DHRS12: variants seen among roughly 807,000 people sequenced by gnomAD.
The protein encoded by DHRS12 is dehydrogenase/reductase 12.
In DHRS12, 29 loss-of-function variants were observed where a neutral mutation model predicts 32.1. That is an observed-to-expected ratio of 0.90 (90% CI 0.67 to 1.23). The LOEUF is 1.23. Ranked by LOEUF, DHRS12 falls within the 50% of genes most tolerant of loss-of-function variation. The pLI, the probability that DHRS12 is intolerant of heterozygous loss-of-function variation, is 0.00. For synonymous variants in DHRS12, 150 were observed against 135.9 expected (o/e 1.10, Z -0.72); for missense variants, 330 against 337.2 (o/e 0.98, Z 0.17).
At chr13:51,789,936 A>T (rs1400036197) in intron 4 of DHRS12, 75 bp downstream of exon 4, 5 of 1,453,800 alleles carry the variant, frequency 3.4e-6, no homozygotes, top group Non-Finnish European at 4.5e-6. Context: ...AAGTTGGTCA[A>T]TTTTTTTTTA....
chr13:51,799,868 T>C (rs1035557636), intron 1 of DHRS12, among the ~76,000 whole-genome samples: 1 of 152,140 alleles, frequency 6.6e-6, no homozygotes, highest in Admixed American at 6.5e-5. Flanking sequence ...CCATGATCTT[T>C]CCAAACTTTT....
chr13:51,762,447 A>G, the DHRS12 span: 2 of 152,358 alleles, frequency 1.3e-5, no homozygotes, highest in Middle Eastern at 3.4e-3. Flanking sequence ...CAAGGTATCC[A>G]TTGCTCTTTC....
chr13:51,780,952 A>C (rs1954676327), intron 4 of DHRS12, among the ~76,000 whole-genome samples: 1 of 152,230 alleles, frequency 6.6e-6, no homozygotes, highest in South Asian at 2.1e-4. Flanking sequence ...CTTGAATTAA[A>C]GCTACTTTGG....
At chr13:51,757,936 CA>C in the DHRS12 span, among the ~76,000 whole-genome samples, 2 of 151,924 alleles carry the variant, frequency 1.3e-5, no homozygotes, top group Non-Finnish European at 2.9e-5. Context: ...TTATCACAGA[CA>C]CCATTGGAGC....
chr13:51,769,047 C>G, intron 8 of DHRS12, 109 bp downstream of exon 8: 2 of 1,505,556 alleles, frequency 1.3e-6, no homozygotes, highest in Non-Finnish European at 1.8e-6. Flanking sequence ...AGGCACCCCC[C>G]AGGGGACAGT....
intron 2 of DHRS12, chr13:51,797,881 T>C: frequency 6.5e-7 from 1 of 1,535,850 alleles, no homozygotes. Flanking sequence ...TGGGGCTTGA[T>C]CTCGACAAAC....
intron 2 of DHRS12, among the ~76,000 whole-genome samples, chr13:51,793,405 G>C (rs1249279823): frequency 6.6e-6 from 1 of 152,162 alleles, no homozygotes; most frequent in East Asian, 1.9e-4. Context: ...CCCTGCCTGA[G>C]TTTCCCCATT....
At chr13:51,772,399 G>A (rs1954070835) in intron 6 of DHRS12, among the ~76,000 whole-genome samples, 1 of 152,122 alleles carries the variant, frequency 6.6e-6, no homozygotes, top group Non-Finnish European at 1.5e-5. Context: ...GAGGCGGGAC[G>A]ATCACCTGAG....
chr13:51,804,033 C>T (rs1451121991), intron 1 of DHRS12, 21 bp downstream of exon 1: 2 of 1,466,420 alleles, frequency 1.4e-6, no homozygotes, highest in Non-Finnish European at 1.8e-6. Flanking sequence ...CGGGGCCCCG[C>T]GCCCCGCCGC....
At chr13:51,780,570 G>A (rs750340964) in intron 4 of DHRS12, among the ~76,000 whole-genome samples, 6 of 152,126 alleles carry the variant, frequency 3.9e-5, no homozygotes, top group Non-Finnish European at 7.4e-5. Context: ...TGTCGATGGC[G>A]GTTCATTACG....
At chr13:51,755,539 C>T in the DHRS12 span, 4 of 1,397,898 alleles carry the variant, frequency 2.9e-6, no homozygotes, top group Non-Finnish European at 4.0e-6. Flanking sequence ...AATAACACCC[C>T]TGGGTGGGAG....
chr13:51,781,637 G>A (rs541056055), intron 4 of DHRS12, among the ~76,000 whole-genome samples: 1 of 152,316 alleles, frequency 6.6e-6, no homozygotes, highest in East Asian at 1.9e-4. Flanking sequence ...GGCAGGTAGA[G>A]GGCTGGGGAT....
At chr13:51,780,256 T>G (rs774917089) in intron 4 of DHRS12, among the ~76,000 whole-genome samples, 1 of 152,216 alleles carries the variant, frequency 6.6e-6, no homozygotes, top group Non-Finnish European at 1.5e-5. Context: ...AAATGGTTAA[T>G]GGGTGCTTTT....
In DHRS12 at chr13:51,797,905, C is replaced by T. The variant is rs761587624; in HGVS notation, c.126+1629G>A. On this transcript the variant is annotated intron_variant, in intron 2 of 8. Coordinates refer to ENST00000444610, the MANE Select transcript of DHRS12 (RefSeq NM_001377533.1). The stretch of plus-strand genomic sequence containing the variant: ...ATCTCGACAAACCAGGTGAACTGTG[C>T]CACCTGGTGGAATTCAATGAAACCA... 5 of 1,535,812 alleles carry T rather than the reference C, an allele frequency of 3.3e-6. No individual in the cohort carries two copies. In the South Asian group the frequency reaches 6.0e-5, roughly 18 times the overall value.
chr13:51,779,194 C>T (rs1954586774), intron 4 of DHRS12, among the ~76,000 whole-genome samples: 2 of 152,178 alleles, frequency 1.3e-5, no homozygotes, highest in South Asian at 2.1e-4. Flanking sequence ...TCCAAACAGG[C>T]CTGTCATTAA....
rs1476728477 is a variant in DHRS12 at position 51,777,115 on chromosome 13, T to A, written c.308A>T (p.Tyr103Phe). The A allele has an allele frequency of 1.9e-6, 3 of 1,614,044 alleles. No homozygotes were observed. In the Admixed American group the frequency reaches 5.0e-5, roughly 27 times the overall value. The change falls in exon 5 of 9, where the codon TAC (tyrosine) becomes TTC (phenylalanine). Residue 103 changes from tyrosine (Y) to phenylalanine (F), a missense_variant. Physicochemically the swap from Tyr to Phe is conservative, Grantham distance 22 (BLOSUM62 3). Transcript: ENST00000444610. ...AGGGATCAGGCCGGTCGTGAGAATGTACACACCTGAGGCAGCACACAGCAT... is the reference window on the plus strand; with the variant it reads ...AGGGATCAGGCCGGTCGTGAGAATGAACACACCTGAGGCAGCACACAGCAT... The part of the protein sequence containing the change: ...KNFAANTLGV[Y>F]ILTTGLIPVL...
intron 6 of DHRS12, chr13:51,772,697 C>A (rs1253749333): frequency 8.3e-5 from 82 of 985,358 alleles, no homozygotes; most frequent in Non-Finnish European, 9.4e-5. Flanking sequence ...CCTTTCCCAG[C>A]TGCAGTCACA....
Position 51,790,103 on chromosome 13 carries a change from T to G in DHRS12, c.220-11A>C. On this transcript the variant is annotated splice_polypyrimidine_tract_variant and intron_variant, in intron 3 of 8. Coordinates refer to ENST00000444610, the MANE Select transcript of DHRS12 (RefSeq NM_001377533.1). ...ACCTGCATTATTGATCTAAAATTTA[T>G]AGTTCTCATTTCAAAATAAAGAAAA... 1 of 1,567,598 alleles carries G rather than the reference T, an allele frequency of 6.4e-7. No individual in the cohort carries two copies. The highest frequency in any genetic ancestry group is 8.6e-7 in the Non-Finnish European group (1 of 1,163,790).
At chr13:51,766,279 A>G (rs2138839240), downstream of DHRS12, 1 of 152,384 alleles carries the variant, frequency 6.6e-6, no homozygotes, top group Non-Finnish European at 1.5e-5. Flanking sequence ...TAACTGGACA[A>G]CAGGGAAGGT....
Sources: allele counts gnomAD v4.1 joint callset (sites outside exome capture counted in the v4.1 genomes callset), GRCh38; gene constraint gnomAD v4.1.1; transcripts MANE v1.5; gene names NCBI Gene and HGNC (gene_info 2026-07-23, HGNC 2026-07-21).